SEMA3A: variants seen among roughly 807,000 people sequenced by gnomAD.
SEMA3A encodes semaphorin 3A.
In SEMA3A, 29 loss-of-function variants were observed where a neutral mutation model predicts 97.9. The ratio of observed to expected loss-of-function variants is 0.30; its 90% CI spans 0.22 to 0.40. The LOEUF is 0.40. Among genes scored for constraint, SEMA3A ranks in the 10% least tolerant of loss-of-function variants. The pLI is 1.00. For synonymous variants in SEMA3A, 321 were observed against 323.7 expected, an observed-to-expected ratio of 0.99 and a Z score of 0.09; for missense variants, 763 against 951.3, an observed-to-expected ratio of 0.80 and a Z score of 2.60.
At chr7:84,287,220 G>C (rs561661872) in intron 3 of SEMA3A, among the ~76,000 whole-genome samples, 1 of 151,868 alleles carries the variant, frequency 6.6e-6, no homozygotes, top group Non-Finnish European at 1.5e-5. Context: ...CTTTATTGAG[G>C]TATAATTGAC....
chr7:84,069,915 C>T (rs753630334), intron 4 of SEMA3A, among the ~76,000 whole-genome samples: 23 of 151,998 alleles, frequency 1.5e-4, no homozygotes, highest in East Asian at 1.9e-4. Context: ...AATATAATTG[C>T]GTATTAACAC....
intron 1 of SEMA3A, among the ~76,000 whole-genome samples, chr7:84,414,451 G>A (rs1263515866): frequency 6.6e-6 from 1 of 150,814 alleles, no homozygotes; most frequent in African/African-American, 2.4e-5. Context: ...CCCACAAATG[G>A]CTTGATAAAT....
intron 2 of SEMA3A, among the ~76,000 whole-genome samples, chr7:84,366,350 G>A (rs1004329325): frequency 1.3e-5 from 2 of 151,322 alleles, no homozygotes; most frequent in Non-Finnish European, 3.0e-5. Context: ...CATTATAAAG[G>A]TGACAGTATA....
At chr7:84,408,708 C>T (rs1201573071) in intron 1 of SEMA3A, among the ~76,000 whole-genome samples, 3 of 114,370 alleles carry the variant, frequency 2.6e-5, no homozygotes, top group African/African-American at 1.3e-4. Context: ...GAATACTATG[C>T]AGCCATAAAA....
rs144997006 is a variant in SEMA3A, at chr7:84,158,963, A to G, written c.113-24012T>C. Among the ~76,000 whole-genome samples, 174 of 152,262 alleles carry G rather than the reference A, an allele frequency of 1.1e-3. 1 individual carries two copies. The East Asian group carries it at 0.013, about 11-fold the overall frequency. ...ATATAATAGGTCACAGCTCAGCCCT[A>G]AATTAAATTTTACAGACCATGTTTT... On this transcript the variant is annotated intron_variant, in intron 1 of 16. Coordinates refer to ENST00000265362, the MANE Select transcript of SEMA3A (RefSeq NM_006080.3).
intron 5 of SEMA3A, among the ~76,000 whole-genome samples, chr7:84,056,284 A>G (rs1192113808): frequency 6.6e-6 from 1 of 152,224 alleles, no homozygotes; most frequent in Non-Finnish European, 1.5e-5. Flanking sequence ...ACGTATTAAA[A>G]ACAAAAGTTC....
At chr7:84,094,689 A>C (rs1359206583) in intron 4 of SEMA3A, among the ~76,000 whole-genome samples, 2 of 152,124 alleles carry the variant, frequency 1.3e-5, no homozygotes, top group South Asian at 2.1e-4. Flanking sequence ...AATAAAAAAA[A>C]CCCACCACCG....
intron 1 of SEMA3A, among the ~76,000 whole-genome samples, chr7:84,467,338 C>A (rs1806026585): frequency 1.3e-5 from 2 of 151,754 alleles, no homozygotes. Flanking sequence ...CTGGCTAACA[C>A]AGTAAAACCC....
intron 1 of SEMA3A, among the ~76,000 whole-genome samples, chr7:84,141,951 C>A (rs933970622): frequency 5.9e-5 from 9 of 152,068 alleles, no homozygotes; most frequent in African/African-American, 1.9e-4. Flanking sequence ...TTGGACAACT[C>A]GTAAAAGTTC....
At chr7:84,371,789 T>A (rs922897867) in intron 2 of SEMA3A, 1 of 152,006 alleles carries the variant, frequency 6.6e-6, no homozygotes, top group Non-Finnish European at 1.5e-5. Flanking sequence ...AAGAGTCATA[T>A]GCCTTTTAAA....
chr7:84,450,814 G>T (rs908633567), intron 1 of SEMA3A, among the ~76,000 whole-genome samples: 2 of 152,040 alleles, frequency 1.3e-5, no homozygotes, highest in African/African-American at 4.8e-5. Flanking sequence ...CTCTTTGTAG[G>T]AATATCTATT....
Position 83,961,050 on chromosome 7 carries a change from T to C in SEMA3A, c.*321A>G. 1 of 306,596 alleles carries C rather than the reference T, an allele frequency of 3.3e-6. No individual in the cohort carries two copies. The highest frequency in any genetic ancestry group is 3.6e-5 in the South Asian group (1 of 27,834). 19.0% of individuals were successfully genotyped at this position (306,596 alleles called of 1,614,324 possible). A position where few individuals can be genotyped will look rare whatever the true frequency, so the allele number is the denominator to read the frequency against. ...GCAGTTTTTCTCCTTTAGATGGCAATATGGCAAATGACATTTTTATTTCTC... is the reference window on the plus strand; with the variant it reads ...GCAGTTTTTCTCCTTTAGATGGCAACATGGCAAATGACATTTTTATTTCTC... On this transcript the variant is annotated 3_prime_UTR_variant, in exon 17 of 17. Coordinates refer to ENST00000265362, the MANE Select transcript of SEMA3A (RefSeq NM_006080.3).
At chr7:84,018,953 T>G (rs1379158726) in intron 6 of SEMA3A, among the ~76,000 whole-genome samples, 1 of 151,962 alleles carries the variant, frequency 6.6e-6, no homozygotes, top group African/African-American at 2.4e-5. Context: ...TAAAAAACAA[T>G]TGCAGTGAGG....
Position 84,044,486 on chromosome 7 carries a change from T to G in SEMA3A, c.667+1838A>C, listed in dbSNP as rs573331594. Among the ~76,000 whole-genome samples the G allele has an allele frequency of 2.8e-4, 43 of 152,132 alleles. 1 individual carries two copies. The South Asian group carries it at 8.7e-3, about 31-fold the overall frequency. On this transcript the variant is annotated intron_variant, in intron 6 of 16. Coordinates refer to ENST00000265362, the MANE Select transcript of SEMA3A (RefSeq NM_006080.3). ...AGCATTTTAAAGAATAAAGAAGTTA[T>G]GCCAAATTTAGAGAAAACTTGGGAG...
At chr7:84,489,579 A>C (rs1806666867) in intron 1 of SEMA3A, among the ~76,000 whole-genome samples, 1 of 152,122 alleles carries the variant, frequency 6.6e-6, no homozygotes, top group South Asian at 2.1e-4. Context: ...GAGCAAAAAA[A>C]TGGAATCTTG....
chr7:83,989,298 AAATC>A (rs1304465203), intron 12 of SEMA3A, among the ~76,000 whole-genome samples: 1 of 152,202 alleles, frequency 6.6e-6, no homozygotes, highest in Non-Finnish European at 1.5e-5. Context: ...AATACAAAAA[AAATC>A]TATAAGGTAG....
chr7:84,399,366 C>G (rs1803834222), intron 1 of SEMA3A, among the ~76,000 whole-genome samples: 1 of 152,170 alleles, frequency 6.6e-6, no homozygotes, highest in Admixed American at 6.5e-5. Flanking sequence ...ACCATCCTGA[C>G]TGCAGTCCTT....
chr7:83,964,471 G>C (rs1788594092), intron 15 of SEMA3A, among the ~76,000 whole-genome samples: 1 of 152,128 alleles, frequency 6.6e-6, no homozygotes, highest in African/African-American at 2.4e-5. Context: ...ACCTTTGACT[G>C]TCATAGCTGA....
At chr7:84,013,125 T>C (rs759804352) in intron 7 of SEMA3A, among the ~76,000 whole-genome samples, 31 of 152,288 alleles carry the variant, frequency 2.0e-4, no homozygotes, top group Middle Eastern at 3.4e-3. Context: ...CTTCAAAAGA[T>C]AGAATTCAAT....
Sources: allele counts gnomAD v4.1 joint callset (sites outside exome capture counted in the v4.1 genomes callset), GRCh38; gene constraint gnomAD v4.1.1; transcripts MANE v1.5; gene names NCBI Gene and HGNC (gene_info 2026-07-23, HGNC 2026-07-21).